RXRA: variants seen among roughly 807,000 people sequenced by gnomAD.
RXRA encodes retinoid X receptor alpha, also known as retinoic acid receptor RXR-alpha.
RXRA carries 5 observed loss-of-function variants against 44.5 expected under a neutral mutation model. That is an observed-to-expected ratio of 0.11 (90% CI 0.06 to 0.24). The LOEUF is 0.24. RXRA is among the 10% of genes least tolerant of loss of function. The pLI, the probability that RXRA is intolerant of heterozygous loss-of-function variation, is 1.00. For missense variants in RXRA, 412 were observed against 646.5 expected (o/e 0.64, Z 3.93); for synonymous variants, 291 against 271.4 (o/e 1.07, Z -0.71).
At chr9:134,394,419 C>G (rs1830848157) in intron 1 of RXRA, among the ~76,000 whole-genome samples, 1 of 152,148 alleles carries the variant, frequency 6.6e-6, no homozygotes, top group African/African-American at 2.4e-5. Context: ...GGGCCACTGC[C>G]TGTGCCCTGG....
At chr9:134,351,327 G>A (rs1405419119) in intron 1 of RXRA, among the ~76,000 whole-genome samples, 6 of 152,218 alleles carry the variant, frequency 3.9e-5, no homozygotes, top group African/African-American at 1.4e-4. Flanking sequence ...CTCGAAAGGG[G>A]CCCTATGCCA....
chr9:134,429,525 C>T (rs1202460622), intron 7 of RXRA, among the ~76,000 whole-genome samples: 1 of 152,208 alleles, frequency 6.6e-6, no homozygotes, highest in Non-Finnish European at 1.5e-5. Context: ...AGCTTCGTTT[C>T]TTTTTAAAGT....
intron 1 of RXRA, among the ~76,000 whole-genome samples, chr9:134,393,568 T>C (rs1430406974): frequency 1.3e-5 from 2 of 152,188 alleles, no homozygotes; most frequent in Non-Finnish European, 2.9e-5. Context: ...GGGAAGGTGG[T>C]GCGTGCATAT....
At chr9:134,346,737 C>T (rs1830157782) in intron 1 of RXRA, among the ~76,000 whole-genome samples, 1 of 152,230 alleles carries the variant, frequency 6.6e-6, no homozygotes, top group African/African-American at 2.4e-5. Context: ...TGTCTGCTCG[C>T]ACTTGTGTGC....
chr9:134,332,889 G>A (rs1835027271), intron 1 of RXRA, among the ~76,000 whole-genome samples: 1 of 152,130 alleles, frequency 6.6e-6, no homozygotes, highest in African/African-American at 2.4e-5. Context: ...CCTCAGCATG[G>A]CAGCCTGGGA....
At chr9:134,336,310 G>A (rs782517489) in intron 1 of RXRA, among the ~76,000 whole-genome samples, 6 of 152,190 alleles carry the variant, frequency 3.9e-5, no homozygotes, top group Non-Finnish European at 7.3e-5. Context: ...ACCTTCTCCT[G>A]AGGCTGGGAT....
chr9:134,428,463 A>T (rs1235404376), intron 6 of RXRA, among the ~76,000 whole-genome samples: 1 of 57,038 alleles, frequency 1.8e-5, no homozygotes, highest in Non-Finnish European at 3.2e-5. Flanking sequence ...TTACCTAACC[A>T]CCCACCCCCC....
chr9:134,373,547 C>G (rs1830516094), intron 1 of RXRA, among the ~76,000 whole-genome samples: 1 of 152,242 alleles, frequency 6.6e-6, no homozygotes, highest in African/African-American at 2.4e-5. Context: ...CCCAGATCTT[C>G]CTGTCTATCA....
intron 4 of RXRA, among the ~76,000 whole-genome samples, chr9:134,409,357 G>A (rs1169557221): frequency 6.6e-6 from 1 of 152,218 alleles, no homozygotes; most frequent in Non-Finnish European, 1.5e-5. Flanking sequence ...CCGGTGAGGG[G>A]ATGGTCAAGG....
intron 1 of RXRA, among the ~76,000 whole-genome samples, chr9:134,359,196 A>G (rs1830319442): frequency 1.3e-5 from 2 of 152,038 alleles, no homozygotes; most frequent in African/African-American, 4.8e-5. Flanking sequence ...AGTGAGATAT[A>G]AAGAACACTC....
intron 4 of RXRA, among the ~76,000 whole-genome samples, chr9:134,409,826 C>T (rs1180537337): frequency 1.3e-5 from 2 of 152,202 alleles, no homozygotes; most frequent in Non-Finnish European, 2.9e-5. Flanking sequence ...CATCGGGTCC[C>T]GTGCCCTGGG....
At chr9:134,415,788 G>C (rs1038993332) in intron 4 of RXRA, among the ~76,000 whole-genome samples, 1 of 152,214 alleles carries the variant, frequency 6.6e-6, no homozygotes, top group Non-Finnish European at 1.5e-5. Flanking sequence ...ACGGTGGGAA[G>C]GGCATTTCCA....
In RXRA at chr9:134,436,673, GTTC is replaced by G; in HGVS notation, c.*64_*66del. ...TGGCCACCCTGCCTGGACGCCAGCTGTTCTTCTCAGCCTGAGCCCTGTCCCTGC... is the reference window on the plus strand; with the variant it reads ...TGGCCACCCTGCCTGGACGCCAGCTGTTCTCAGCCTGAGCCCTGTCCCTGC... On this transcript the variant is annotated 3_prime_UTR_variant, in exon 10 of 10. Coordinates refer to ENST00000481739, the MANE Select transcript of RXRA (RefSeq NM_002957.6). The G allele has an allele frequency of 1.3e-6, 2 of 1,599,638 alleles. No individual in the cohort carries two copies. Among genetic ancestry groups the G allele is most frequent in the East Asian group, 2.2e-5 (1 of 44,804 alleles).
intron 1 of RXRA, among the ~76,000 whole-genome samples, chr9:134,377,146 A>C (rs1830568269): frequency 6.6e-6 from 1 of 152,160 alleles, no homozygotes; most frequent in South Asian, 2.1e-4. Flanking sequence ...AGCTCGCTGC[A>C]TCCGTGCTGG....
Position 134,396,742 on chromosome 9 carries a change from C to T in RXRA, c.29-4890C>T, listed in dbSNP as rs576883869. Among the ~76,000 whole-genome samples, 72 of 152,340 alleles carry T rather than the reference C, an allele frequency of 4.7e-4. No individual in the cohort carries two copies. In the South Asian group the frequency reaches 6.4e-3, roughly 14 times the overall value. Reference sequence around the variant, plus strand: ...CCCCAAGCTCCCCCATTTAGAACGCCGTCCTTCCCTCCGCTGGGCTTCCTG... The same window carrying T: ...CCCCAAGCTCCCCCATTTAGAACGCTGTCCTTCCCTCCGCTGGGCTTCCTG... On this transcript the variant is annotated intron_variant, in intron 1 of 9. Transcript: ENST00000481739.
At chr9:134,348,183 A>ATGCAGGACCCC (rs1381749290) in intron 1 of RXRA, among the ~76,000 whole-genome samples, 1 of 152,154 alleles carries the variant, frequency 6.6e-6, no homozygotes, top group Non-Finnish European at 1.5e-5. Context: ...GATTGAGGTC[A>ATGCAGGACCCC]TGCAGGACCC....
intron 5 of RXRA, among the ~76,000 whole-genome samples, chr9:134,419,159 C>T (rs373897314): frequency 1.8e-3 from 276 of 152,342 alleles, no homozygotes; most frequent in African/African-American, 5.6e-3. Flanking sequence ...CTGGTCTGCA[C>T]GCATGCCCTG....
Position 134,365,720 on chromosome 9 carries a change from GC to G in RXRA, c.29-35909del, listed in dbSNP as rs1210585064. Among the ~76,000 whole-genome samples, 1 of 151,998 alleles carries G rather than the reference GC, an allele frequency of 6.6e-6. No individual in the cohort carries two copies. Among genetic ancestry groups the G allele is most frequent in the Non-Finnish European group, 1.5e-5 (1 of 67,966 alleles). ...TCTAGGCCAGATGTAGCCCTGAGGG[GC>G]CCGGCAGAGTCTCGGTGGGTCTCGG... On this transcript the variant is annotated intron_variant, in intron 1 of 9. Transcript: ENST00000481739. This position sits in a 1 kb window ranked among gnomAD's most constrained non-coding sequence, Gnocchi z 4.0.
Position 134,366,975 on chromosome 9 carries a change from G to C in RXRA, c.29-34657G>C, listed in dbSNP as rs1325497626. ...GCCTGCACATCCCCACCCCTGCCCT[G>C]CGTGCCACTCTCAGCCTTTGCCCAG... On this transcript the variant is annotated intron_variant, in intron 1 of 9. Coordinates refer to ENST00000481739, the MANE Select transcript of RXRA (RefSeq NM_002957.6). The surrounding 1 kb of genome is among the most constrained non-coding windows in gnomAD (Gnocchi z 5.9). Among the ~76,000 whole-genome samples the C allele has an allele frequency of 6.6e-6, 1 of 152,140 alleles. No individual in the cohort carries two copies. The highest frequency in any genetic ancestry group is 1.5e-5 in the Non-Finnish European group (1 of 68,024).
Sources: allele counts gnomAD v4.1 joint callset (sites outside exome capture counted in the v4.1 genomes callset), GRCh38; gene constraint gnomAD v4.1.1; non-coding constraint Gnocchi (gnomAD v3.1); transcripts MANE v1.5; gene names NCBI Gene and HGNC (gene_info 2026-07-23, HGNC 2026-07-21).